Variants in NXN observed in about 807,000 individuals in gnomAD.
NXN encodes nucleoredoxin 1.
In NXN, 16 loss-of-function variants were observed where a neutral mutation model predicts 48.6. That is an observed-to-expected ratio of 0.33 (90% CI 0.22 to 0.50). The LOEUF (loss-of-function observed/expected upper bound fraction) is 0.50. NXN is among the 20% of genes least tolerant of loss of function. The pLI is 0.98. For missense variants in NXN, 492 were observed against 605.5 expected, an observed-to-expected ratio of 0.81 and a Z score of 1.97; for synonymous variants, 281 against 269.6, an observed-to-expected ratio of 1.04 and a Z score of -0.41.
chr17:812,221 G>C (rs893990810), intron 5 of NXN, among the ~76,000 whole-genome samples: 3 of 152,182 alleles, frequency 2.0e-5, no homozygotes, highest in Admixed American at 6.5e-5. Flanking sequence ...GCCACTGCGC[G>C]TGGCCTGGGT....
intron 5 of NXN, among the ~76,000 whole-genome samples, chr17:811,991 G>A (rs1324408186): frequency 7.7e-6 from 1 of 130,078 alleles, no homozygotes; most frequent in Non-Finnish European, 1.5e-5. Flanking sequence ...GCAGTGGCAA[G>A]ATCTCGGCTC....
At chr17:926,007 A>AT (rs2144962299) in intron 1 of NXN, among the ~76,000 whole-genome samples, 1 of 152,294 alleles carries the variant, frequency 6.6e-6, no homozygotes, top group East Asian at 1.9e-4. Context: ...CAAAAGAGCC[A>AT]TTTTTCACAA....
intron 1 of NXN, among the ~76,000 whole-genome samples, chr17:870,993 G>C (rs571054685): frequency 6.6e-6 from 1 of 151,928 alleles, no homozygotes; most frequent in South Asian, 2.1e-4. Flanking sequence ...CGAGTAGCTC[G>C]GACTACAGGC....
chr17:863,305 C>G (rs1225584021), intron 1 of NXN, among the ~76,000 whole-genome samples: 1 of 152,142 alleles, frequency 6.6e-6, no homozygotes, highest in East Asian at 1.9e-4. Flanking sequence ...GTAGCTGGAA[C>G]TACAGGTGCC....
rs913466426 is a variant in NXN, at chr17:907,266, C to T, written c.360+72053G>A. On this transcript the variant is annotated intron_variant, in intron 1 of 7. Transcript: ENST00000336868. ...GCCTCTGGCTCTTCAGAAGGGTTAG[C>T]GAATTACCTGTGAATTTAGGTGATT... Among the ~76,000 whole-genome samples the T allele has an allele frequency of 6.4e-4, 98 of 152,138 alleles. 1 individual carries two copies. Among genetic ancestry groups the T allele is most frequent in the South Asian group, 4.2e-4 (2 of 4,814 alleles).
rs532225883 is a variant in NXN, at chr17:885,672, C to CTTTTTTTTTTT, written c.361-59605_361-59595dup. 7.4e-4 allele frequency among the ~76,000 whole-genome samples: 62 copies of CTTTTTTTTTTT among 83,748 alleles called. 9 individuals carry two copies. Among genetic ancestry groups the CTTTTTTTTTTT allele is most frequent in the Non-Finnish European group, 9.0e-4 (43 of 47,540 alleles). 54.9% of individuals were successfully genotyped at this position (83,748 alleles called of 152,430 possible). A position where few individuals can be genotyped will look rare whatever the true frequency, so the allele number is the denominator to read the frequency against. On this transcript the variant is annotated intron_variant, in intron 1 of 7. Coordinates refer to ENST00000336868, the MANE Select transcript of NXN (RefSeq NM_022463.5). ...GCCCACCTGGGGGCTGCGGTACTCGCTTTTTTTTTTTTTTTTTTTTTTTTT... is the reference window on the plus strand; with the variant it reads ...GCCCACCTGGGGGCTGCGGTACTCGCTTTTTTTTTTTTTTTTTTTTTTTTTTTTTTTTTTTT...
chr17:939,904 G>A (rs1003166549), intron 1 of NXN, among the ~76,000 whole-genome samples: 1 of 151,912 alleles, frequency 6.6e-6, no homozygotes, highest in African/African-American at 2.4e-5. Flanking sequence ...CCCTGCAGTG[G>A]GGCAGGGAGA....
rs150766847 is a variant in NXN at position 858,757 on chromosome 17, A to G, written c.361-32679T>C. The stretch of plus-strand genomic sequence containing the variant: ...AAAAAAAAAGAAAGAAAGAAAGAAA[A>G]AAAGAAAACAGCCCTACGGCTTACA... On this transcript the variant is annotated intron_variant, in intron 1 of 7. Transcript: ENST00000336868. 3.3e-3 allele frequency among the ~76,000 whole-genome samples: 504 copies of G among 152,078 alleles called. 3 individuals are homozygous for G. Among genetic ancestry groups the G allele is most frequent in the Middle Eastern group, 6.8e-3 (2 of 294 alleles).
intron 1 of NXN, among the ~76,000 whole-genome samples, chr17:842,982 GAGAA>G (rs1914425275): frequency 6.5e-5 from 7 of 107,282 alleles, no homozygotes; most frequent in Middle Eastern, 4.6e-3. Flanking sequence ...GAGAGAAAGA[GAGAA>G]AGAGAGAAAG....
intron 1 of NXN, among the ~76,000 whole-genome samples, chr17:930,906 G>A (rs1319091570): frequency 6.6e-6 from 1 of 151,760 alleles, no homozygotes; most frequent in African/African-American, 2.4e-5. Flanking sequence ...TGAGTAGCTG[G>A]GACTACAGGT....
chr17:812,569 G>A lies in NXN; in HGVS notation c.820+6870C>T, dbSNP rs1279581323. 2.1e-5 allele frequency among the ~76,000 whole-genome samples: 3 copies of A among 145,094 alleles called. No homozygotes were observed. The East Asian group carries it at 5.8e-4, about 28-fold the overall frequency. On this transcript the variant is annotated intron_variant, in intron 5 of 7. Coordinates refer to ENST00000336868, the MANE Select transcript of NXN (RefSeq NM_022463.5). ...CCCTGCAGAGCGAGTGTGTGTGTGA[G>A]TCTGTGTGTGCACGTGTGTGTGATG...
At chr17:888,962 CAAAA>C (rs71145786) in intron 1 of NXN, among the ~76,000 whole-genome samples, 24 of 101,404 alleles carry the variant, frequency 2.4e-4, no homozygotes, top group South Asian at 6.0e-4. Context: ...AACTCCATCT[CAAAA>C]AAAAAAAAAA....
intron 1 of NXN, among the ~76,000 whole-genome samples, chr17:860,117 T>TTTATTATTA (rs140407900): frequency 6.6e-6 from 1 of 151,246 alleles, no homozygotes; most frequent in African/African-American, 2.4e-5. Context: ...CTTTAAAAAA[T>TTTATTATTA]TTATTATTAT....
At chr17:900,859 G>C (rs910655712) in intron 1 of NXN, among the ~76,000 whole-genome samples, 1 of 151,868 alleles carries the variant, frequency 6.6e-6, no homozygotes, top group African/African-American at 2.4e-5. Context: ...CTTCTGGGAG[G>C]CAGGGGAGTT....
At chr17:826,771 C>T (rs1597635115) in intron 1 of NXN, among the ~76,000 whole-genome samples, 2 of 152,320 alleles carry the variant, frequency 1.3e-5, no homozygotes, top group South Asian at 2.1e-4. Flanking sequence ...AAGCAATGCC[C>T]AGGGCCAGCC....
intron 1 of NXN, among the ~76,000 whole-genome samples, chr17:967,386 G>A (rs1457893119): frequency 2.0e-5 from 3 of 152,210 alleles, no homozygotes; most frequent in Non-Finnish European, 4.4e-5. Context: ...GCGGGGAGAT[G>A]GGCAAGGACC....
rs181810177 is a variant in NXN at position 914,225 on chromosome 17, G to C, written c.360+65094C>G. Among the ~76,000 whole-genome samples, 34 of 48,776 alleles carry C rather than the reference G, an allele frequency of 7.0e-4. 4 individuals are homozygous for C. The highest frequency in any genetic ancestry group is 2.4e-3 in the Admixed American group (8 of 3,372). The allele number at this position is 48,776 out of a possible 152,430, so 32.0% of individuals were successfully genotyped here. A position where few individuals can be genotyped will look rare whatever the true frequency, so the allele number is the denominator to read the frequency against. On this transcript the variant is annotated intron_variant, in intron 1 of 7. Transcript: ENST00000336868. Reference sequence around the variant, plus strand: ...AATTTTTGTATTTTTAATAGAGATGGGGTTTCGCCACGTTGGCCAGGCTGG... The same window carrying C: ...AATTTTTGTATTTTTAATAGAGATGCGGTTTCGCCACGTTGGCCAGGCTGG...
intron 1 of NXN, among the ~76,000 whole-genome samples, chr17:915,122 A>G (rs1194376570): frequency 2.6e-5 from 4 of 151,994 alleles, no homozygotes; most frequent in Admixed American, 6.6e-5. Context: ...TTTTAGTAGA[A>G]ATGGGGTTTC....
rs1436016326 is a variant in NXN, at chr17:932,429, CCTT to C, written c.360+46887_360+46889del. 6.6e-6 allele frequency among the ~76,000 whole-genome samples: 1 copy of C among 152,178 alleles called. No individual in the cohort carries two copies. The highest frequency in any genetic ancestry group is 2.4e-5 in the African/African-American group (1 of 41,450). ...GCCCAGGAATCCGCATTTAACCAGT[CCTT>C]CTGGTTATTCATCAGTTTGGAAACC... is the stretch of plus-strand genomic sequence containing the variant. On this transcript the variant is annotated intron_variant, in intron 1 of 7. Transcript: ENST00000336868. The surrounding 1 kb of genome is among the most constrained non-coding windows in gnomAD (Gnocchi z 4.1).
Sources: allele counts gnomAD v4.1 joint callset (sites outside exome capture counted in the v4.1 genomes callset), GRCh38; gene constraint gnomAD v4.1.1; non-coding constraint Gnocchi (gnomAD v3.1); transcripts MANE v1.5; gene names NCBI Gene and HGNC (gene_info 2026-07-23, HGNC 2026-07-21).